The following MAGI3 variants were observed in gnomAD, a reference collection of about 807,000 sequenced individuals.
The protein encoded by MAGI3 is membrane associated guanylate kinase, WW and PDZ domain containing 3, also known as membrane-associated guanylate kinase, WW and PDZ domain-containing protein 3.
A neutral mutation model predicts 121.8 loss-of-function variants in MAGI3; 43 were observed. The ratio of observed to expected loss-of-function variants is 0.35; its 90% CI spans 0.28 to 0.46. The LOEUF (loss-of-function observed/expected upper bound fraction) is 0.46, where lower values mean the gene tolerates loss of function less well. Among genes scored for constraint, MAGI3 ranks in the 20% least tolerant of loss-of-function variants. The pLI, the probability that MAGI3 is intolerant of heterozygous loss-of-function variation, is 1.00. For missense variants in MAGI3, 1,547 were observed against 1,797.3 expected (o/e 0.86, Z 2.52); for synonymous variants, 553 against 639.3 (o/e 0.86, Z 2.04).
intron 1 of MAGI3, among the ~76,000 whole-genome samples, chr1:113,476,215 A>AT (rs1216020765): frequency 6.6e-6 from 1 of 151,918 alleles, no homozygotes; most frequent in African/African-American, 2.4e-5. Context: ...TTGTGTCTCC[A>AT]TCTCTTTCAC....
chr1:113,649,306 G>C lies in MAGI3; in HGVS notation c.2225G>C (p.Gly742Ala). The change falls in exon 13 of 21, where the codon GGA (glycine) becomes GCA (alanine). Residue 742 changes from glycine to alanine, a missense_variant. By Grantham distance (60) the Gly-to-Ala change is moderately conservative. Transcript: ENST00000307546. ...TCAGGGTTTGGCTTCAGGGTGCTAG[G>C]AGGAGATGGACCTGACCAGTCTGTA... ...QESGFGFRVL[G>A]GDGPDQSIYI... 1 of 1,612,950 alleles carries C rather than the reference G, an allele frequency of 6.2e-7. No individual in the cohort carries two copies. Among genetic ancestry groups the C allele is most frequent in the Non-Finnish European group, 8.5e-7 (1 of 1,179,436 alleles).
rs925336336 is a variant in MAGI3, at chr1:113,580,421, T to C, written c.434-121T>C. The C allele has an allele frequency of 7.7e-6, 6 of 775,206 alleles. No individual in the cohort carries two copies. In the African/African-American group the frequency reaches 1.1e-4, roughly 14 times the overall value. The allele number at this position is 775,206 out of a possible 1,614,324, so 48.0% of individuals were successfully genotyped here. A position where few individuals can be genotyped will look rare whatever the true frequency, so the allele number is the denominator to read the frequency against. ...ATCTGTGAATTTTACCTTAATAAAG[T>C]TGGGGCAGGGGAATGAAACATCTCT... On this transcript the variant is annotated intron_variant, in intron 2 of 20. Coordinates refer to ENST00000307546, the MANE Select transcript of MAGI3 (RefSeq NM_001142782.2).
intron 1 of MAGI3, among the ~76,000 whole-genome samples, chr1:113,462,106 G>A (rs762449139): frequency 6.6e-6 from 1 of 152,196 alleles, no homozygotes; most frequent in Non-Finnish European, 1.5e-5. Flanking sequence ...CTTATACACT[G>A]TTGGTGGGAG....
At chr1:113,531,890 AG>A (rs1342331941) in intron 1 of MAGI3, among the ~76,000 whole-genome samples, 2 of 152,212 alleles carry the variant, frequency 1.3e-5, no homozygotes, top group Non-Finnish European at 2.9e-5. Context: ...AAACTGTTGA[AG>A]TAGAGCTTTT....
intron 1 of MAGI3, among the ~76,000 whole-genome samples, chr1:113,487,142 A>G (rs1656420133): frequency 2.0e-5 from 3 of 152,218 alleles, no homozygotes; most frequent in African/African-American, 4.8e-5. Flanking sequence ...TGGGTGCTCT[A>G]GGAAATGTGG....
At position 113,573,108 on chromosome 1, in the gene MAGI3, G is replaced by A. The variant is rs570235574; in HGVS notation, c.434-7434G>A. On this transcript the variant is annotated intron_variant, in intron 2 of 20. Coordinates refer to ENST00000307546, the MANE Select transcript of MAGI3 (RefSeq NM_001142782.2). Reference sequence around the variant, plus strand: ...ACCCTGCTAATTTTTTGTATTTTTAGTAGAGACAGGGTTTCACCGTTTTAG... The same window carrying A: ...ACCCTGCTAATTTTTTGTATTTTTAATAGAGACAGGGTTTCACCGTTTTAG... Among the ~76,000 whole-genome samples, 19 of 152,184 alleles carry A rather than the reference G, an allele frequency of 1.2e-4. No homozygotes were observed. In the East Asian group the frequency reaches 3.3e-3, roughly 26 times the overall value.
intron 2 of MAGI3, among the ~76,000 whole-genome samples, chr1:113,555,280 G>A (rs1659941147): frequency 6.6e-6 from 1 of 152,120 alleles, no homozygotes; most frequent in Admixed American, 6.5e-5. Flanking sequence ...AACAACAAAC[G>A]AAATGTTAAA....
chr1:113,477,282 G>GT (rs547659413), intron 1 of MAGI3, among the ~76,000 whole-genome samples: 24 of 152,202 alleles, frequency 1.6e-4, no homozygotes, highest in African/African-American at 5.5e-4. Context: ...ATGTTCGCTG[G>GT]TTTTTTTGCC....
rs546969512 is a variant in MAGI3, at chr1:113,428,230, A to T, written c.316+36881A>T. ...ATCTGGCAAGCCCAAGGTAATGAAG[A>T]TACTCTTTGTTTTCTTCTAACAGCT... On this transcript the variant is annotated intron_variant, in intron 1 of 20. Coordinates refer to ENST00000307546, the MANE Select transcript of MAGI3 (RefSeq NM_001142782.2). 2.0e-5 allele frequency among the ~76,000 whole-genome samples: 3 copies of T among 152,304 alleles called. No individual in the cohort carries two copies. The South Asian group carries it at 6.2e-4, about 32-fold the overall frequency.
chr1:113,511,103 T>C (rs1472809281), intron 1 of MAGI3, among the ~76,000 whole-genome samples: 4 of 152,234 alleles, frequency 2.6e-5, no homozygotes, highest in Non-Finnish European at 4.4e-5. Flanking sequence ...CCTTTATATA[T>C]TGTATTGGGT....
At chr1:113,496,321 CA>C (rs1278229390) in intron 1 of MAGI3, among the ~76,000 whole-genome samples, 1 of 152,016 alleles carries the variant, frequency 6.6e-6, no homozygotes, top group East Asian at 1.9e-4. Context: ...TTTCTGTCTC[CA>C]AAAAGTTAGC....
intron 1 of MAGI3, among the ~76,000 whole-genome samples, chr1:113,425,569 C>A (rs1194413620): frequency 6.6e-6 from 1 of 152,034 alleles, no homozygotes; most frequent in East Asian, 1.9e-4. Flanking sequence ...CAGGTGTGAG[C>A]TACTGCACCC....
At chr1:113,533,331 A>C (rs1413371387) in intron 1 of MAGI3, among the ~76,000 whole-genome samples, 1 of 152,236 alleles carries the variant, frequency 6.6e-6, no homozygotes, top group Non-Finnish European at 1.5e-5. Flanking sequence ...AATTAACACA[A>C]CAACAGATAA....
intron 6 of MAGI3, 88 bp downstream of exon 6, chr1:113,594,648 TAAAC>T (rs1648887641): frequency 9.2e-7 from 1 of 1,085,678 alleles, no homozygotes; most frequent in East Asian, 2.5e-5. Context: ...TTCAAAACCC[TAAAC>T]AAACCATAAT....
intron 1 of MAGI3, among the ~76,000 whole-genome samples, chr1:113,441,941 A>G (rs1653937142): frequency 6.6e-6 from 1 of 152,196 alleles, no homozygotes; most frequent in Non-Finnish European, 1.5e-5. Context: ...TAGAGAATTA[A>G]CATCTGATTA....
intron 1 of MAGI3, among the ~76,000 whole-genome samples, chr1:113,545,217 TA>T (rs1659479961): frequency 6.6e-6 from 1 of 152,160 alleles, no homozygotes; most frequent in South Asian, 2.1e-4. Flanking sequence ...TAAACTGTGG[TA>T]AAATTTGAAG....
At chr1:113,440,879 T>C (rs764825856) in intron 1 of MAGI3, among the ~76,000 whole-genome samples, 2 of 152,208 alleles carry the variant, frequency 1.3e-5, no homozygotes, top group Non-Finnish European at 2.9e-5. Flanking sequence ...GCTATGTCCT[T>C]ATATTTAAGT....
intron 1 of MAGI3, among the ~76,000 whole-genome samples, chr1:113,434,533 C>A (rs1336211721): frequency 6.6e-6 from 1 of 152,176 alleles, no homozygotes; most frequent in East Asian, 1.9e-4. Context: ...ATCAGGTCAG[C>A]CCAAATTCAA....
intron 3 of MAGI3, among the ~76,000 whole-genome samples, chr1:113,583,647 ATC>A (rs1259796342): frequency 6.6e-6 from 1 of 152,062 alleles, no homozygotes; most frequent in African/African-American, 2.4e-5. Context: ...GAACCTCCTA[ATC>A]CCCAGCCAAA....
Sources: gnomAD v4.1 joint callset for allele counts (sites outside exome capture counted in the v4.1 genomes callset) on GRCh38, gnomAD v4.1.1 for gene constraint, MANE v1.5 for transcripts, NCBI Gene and HGNC (gene_info 2026-07-23, HGNC 2026-07-21) for gene names.